ELOC: variants seen among roughly 807,000 people sequenced by gnomAD.
ELOC encodes elongin-C.
For missense variants in ELOC, 38 were observed against 139.0 expected (o/e 0.27, Z 3.65); for synonymous variants, 40 against 51.3 (o/e 0.78, Z 0.94).
At chr8:73,958,308 T>C (rs1456479429) in intron 2 of ELOC, among the ~76,000 whole-genome samples, 1 of 152,106 alleles carries the variant, frequency 6.6e-6, no homozygotes, top group East Asian at 1.9e-4. Context: ...AAACTTGTAA[T>C]AAATATTCAT....
At chr8:73,954,815 T>C (rs1814041290) in intron 3 of ELOC, among the ~76,000 whole-genome samples, 1 of 151,418 alleles carries the variant, frequency 6.6e-6, no homozygotes, top group Non-Finnish European at 1.5e-5. Flanking sequence ...GTGCACTGCC[T>C]GAGGTCAGGA....
At chr8:73,963,108 G>A (rs1242681511) in intron 1 of ELOC, among the ~76,000 whole-genome samples, 1 of 152,082 alleles carries the variant, frequency 6.6e-6, no homozygotes, top group African/African-American at 2.4e-5. Flanking sequence ...GGCCTGAGAC[G>A]TCATTATGCT....
intron 3 of ELOC, among the ~76,000 whole-genome samples, chr8:73,949,707 C>T (rs1194069348): frequency 6.6e-6 from 1 of 152,102 alleles, no homozygotes; most frequent in Non-Finnish European, 1.5e-5. Context: ...GAGGTGCATA[C>T]GGACTGTAGC....
intron 2 of ELOC, among the ~76,000 whole-genome samples, chr8:73,959,095 C>CTCCATCAT (rs1814411653): frequency 6.6e-6 from 1 of 152,158 alleles, no homozygotes; most frequent in Non-Finnish European, 1.5e-5. Context: ...CTGTATAGGG[C>CTCCATCAT]ACTCACGATG....
chr8:73,960,446 T>C (rs1033022613), intron 1 of ELOC, among the ~76,000 whole-genome samples: 3 of 152,100 alleles, frequency 2.0e-5, no homozygotes, highest in Non-Finnish European at 4.4e-5. Context: ...CTTTGGATAG[T>C]TTAAACTAAC....
intron 1 of ELOC, among the ~76,000 whole-genome samples, chr8:73,965,501 C>G (rs1814913472): frequency 6.6e-6 from 1 of 152,136 alleles, no homozygotes; most frequent in Non-Finnish European, 1.5e-5. Context: ...AAATACTACA[C>G]TAAGTGGACA....
At position 73,964,855 on chromosome 8, in the gene ELOC, C is replaced by T. The variant is rs1335498394; in HGVS notation, c.-50-5037G>A. ...CCTGGACAACATGGTGGTGAAACCC[C>T]GTTTCTATAAAAAATAGAAAAATTA... On this transcript the variant is annotated intron_variant, in intron 1 of 3. Transcript: ENST00000520242. Among the ~76,000 whole-genome samples the T allele has an allele frequency of 3.3e-5, 5 of 151,826 alleles. No homozygotes were observed. In the South Asian group the frequency reaches 6.2e-4, roughly 19 times the overall value.
At chr8:73,950,114 T>C (rs1368419688) in intron 3 of ELOC, among the ~76,000 whole-genome samples, 1 of 152,144 alleles carries the variant, frequency 6.6e-6, no homozygotes, top group Non-Finnish European at 1.5e-5. Flanking sequence ...AAACAGCTGT[T>C]TTCGGGATCG....
intron 1 of ELOC, among the ~76,000 whole-genome samples, chr8:73,966,868 A>T (rs1815014177): frequency 6.6e-6 from 1 of 152,056 alleles, no homozygotes; most frequent in Non-Finnish European, 1.5e-5. Context: ...CATCACTCCT[A>T]TCTATCCTTT....
chr8:73,954,364 G>C (rs1234934400), intron 3 of ELOC, among the ~76,000 whole-genome samples: 4 of 152,182 alleles, frequency 2.6e-5, no homozygotes, highest in African/African-American at 7.2e-5. Context: ...AAAATTTTAA[G>C]AATAGAGATT....
intron 1 of ELOC, among the ~76,000 whole-genome samples, chr8:73,968,809 GTTC>G (rs1815167173): frequency 6.6e-6 from 1 of 152,172 alleles, no homozygotes. Flanking sequence ...CATTTTAGGG[GTTC>G]TTATCAAATT....
intron 3 of ELOC, among the ~76,000 whole-genome samples, chr8:73,952,944 C>T (rs1481203702): frequency 6.6e-6 from 1 of 151,982 alleles, no homozygotes; most frequent in East Asian, 1.9e-4. Flanking sequence ...AAAGGAGATA[C>T]AAAAATGTCT....
At position 73,972,079 on chromosome 8, in the gene ELOC, G is replaced by C. The variant is rs971712167; in HGVS notation, c.-53C>G. The C allele has an allele frequency of 6.6e-6, 1 of 152,396 alleles. No individual in the cohort carries two copies. Among genetic ancestry groups the C allele is most frequent in the Non-Finnish European group, 1.5e-5 (1 of 68,294 alleles). The allele number at this position is 152,396 out of a possible 1,614,324, so 9.4% of individuals were successfully genotyped here. ...TTCCGCCCCAGCCCGAGACTCACTC[G>C]TCAGTCCCGCAGCCACCGCAGCCGG... On this transcript the variant is annotated splice_region_variant and 5_prime_UTR_variant, in exon 1 of 4. Coordinates refer to ENST00000520242, the MANE Select transcript of ELOC (RefSeq NM_005648.4).
chr8:73,946,894 C>T, intron 3 of ELOC, 74 bp from the exon 4 acceptor site: 1 of 1,228,510 alleles, frequency 8.1e-7, no homozygotes, highest in South Asian at 1.5e-5. Flanking sequence ...AGTCTTAACC[C>T]CTTGTACCAC....
At position 73,946,410 on chromosome 8, in the gene ELOC, TTG is replaced by T. The variant is rs1813386741; in HGVS notation, c.*218_*219del. The T allele has an allele frequency of 4.6e-6, 2 of 432,730 alleles. No individual in the cohort carries two copies. The highest frequency in any genetic ancestry group is 3.8e-5 in the Admixed American group (1 of 26,382). 26.8% of individuals were successfully genotyped at this position (432,730 alleles called of 1,614,324 possible). On this transcript the variant is annotated 3_prime_UTR_variant, in exon 4 of 4. Coordinates refer to ENST00000520242, the MANE Select transcript of ELOC (RefSeq NM_005648.4). ...CAAAACCACCTACGAATTGGCATAT[TTG>T]TTTATTTCTCAGTTTGTGAAAATGT... is the stretch of plus-strand genomic sequence containing the variant.
chr8:73,955,193 T>C (rs1814076382), intron 3 of ELOC, among the ~76,000 whole-genome samples: 1 of 152,082 alleles, frequency 6.6e-6, no homozygotes, highest in Non-Finnish European at 1.5e-5. Flanking sequence ...AGGCCAGGCA[T>C]GCAAAAGGCT....
At chr8:73,947,687 C>G (rs1473001788) in intron 3 of ELOC, among the ~76,000 whole-genome samples, 1 of 152,010 alleles carries the variant, frequency 6.6e-6, no homozygotes, top group Non-Finnish European at 1.5e-5. Flanking sequence ...GATCCTCCCA[C>G]CTCAGCCTCC....
intron 2 of ELOC, 98 bp downstream of exon 2, chr8:73,959,667 T>G: frequency 2.0e-6 from 2 of 998,486 alleles, no homozygotes; most frequent in Non-Finnish European, 1.5e-6. Context: ...AATTTCAGTC[T>G]ACTGAAATTT....
At chr8:73,960,653 T>C (rs1218692155) in intron 1 of ELOC, among the ~76,000 whole-genome samples, 1 of 152,204 alleles carries the variant, frequency 6.6e-6, no homozygotes, top group Non-Finnish European at 1.5e-5. Flanking sequence ...CTGTACACCT[T>C]GCTATGGTAC....
Sources: gnomAD v4.1 joint callset for allele counts (sites outside exome capture counted in the v4.1 genomes callset) on GRCh38, gnomAD v4.1.1 for gene constraint, MANE v1.5 for transcripts, NCBI Gene and HGNC (gene_info 2026-07-23, HGNC 2026-07-21) for gene names.